DENND2B: variants seen among roughly 807,000 people sequenced by gnomAD.
DENND2B encodes DENN domain containing 2B, also known as DENN domain-containing protein 2B.
DENND2B carries 32 observed loss-of-function variants against 116.0 expected under a neutral mutation model. That is an observed-to-expected ratio of 0.28 (90% CI 0.21 to 0.37). The LOEUF (loss-of-function observed/expected upper bound fraction) is 0.37, where lower values mean the gene tolerates loss of function less well. Among genes scored for constraint, DENND2B ranks in the 10% least tolerant of loss-of-function variants. The pLI is 1.00. For synonymous variants in DENND2B, 588 were observed against 583.9 expected (o/e 1.01, Z -0.10); for missense variants, 1,276 against 1,477.7 (o/e 0.86, Z 2.24).
chr11:8,865,971 T>C (rs747894657), intron 2 of DENND2B, among the ~76,000 whole-genome samples: 14 of 151,974 alleles, frequency 9.2e-5, no homozygotes, highest in Admixed American at 5.2e-4. Flanking sequence ...TTTTTTTCTT[T>C]TATTTTGAGA....
At chr11:8,848,459 A>G (rs1368149101) in intron 3 of DENND2B, among the ~76,000 whole-genome samples, 4 of 152,228 alleles carry the variant, frequency 2.6e-5, no homozygotes, top group Admixed American at 2.6e-4. Flanking sequence ...ACGTGCCACC[A>G]TGCCCAGCAT....
chr11:8,742,900 A>C (rs2133997424), intron 2 of DENND2B, among the ~76,000 whole-genome samples: 1 of 152,220 alleles, frequency 6.6e-6, no homozygotes, highest in Admixed American at 6.5e-5. Context: ...CCCTGTCTCT[A>C]CTAAAAATAC....
At chr11:8,757,993 C>T (rs575962342) in intron 1 of DENND2B, among the ~76,000 whole-genome samples, 1 of 152,330 alleles carries the variant, frequency 6.6e-6, no homozygotes, top group Non-Finnish European at 1.5e-5. Context: ...AATGTAGACC[C>T]AGCTCTGTCT....
intron 1 of DENND2B, among the ~76,000 whole-genome samples, chr11:8,778,141 G>C (rs1352588975): frequency 1.3e-5 from 2 of 152,206 alleles, no homozygotes; most frequent in Non-Finnish European, 2.9e-5. Flanking sequence ...GTCAAGCCTT[G>C]AAAGGGCAGA....
Position 8,702,846 on chromosome 11 carries a change from C to T in DENND2B, c.2572-126G>A. The T allele has an allele frequency of 8.3e-7, 1 of 1,207,794 alleles. No homozygotes were observed. The highest frequency in any genetic ancestry group is 1.4e-5 in the South Asian group (1 of 68,974). 74.8% of individuals were successfully genotyped at this position (1,207,794 alleles called of 1,614,324 possible). ...CTCTTTTCCAGGTCTCTCGTCTACC[C>T]TGCTATGCAGTAAACCCCTCTTCTC... On this transcript the variant is annotated intron_variant, in intron 13 of 19. Transcript: ENST00000313726. The surrounding 1 kb of genome is among the most constrained non-coding windows in gnomAD (Gnocchi z 4.6).
intron 14 of DENND2B, among the ~76,000 whole-genome samples, chr11:8,701,884 C>T (rs12290299): frequency 2.0e-5 from 3 of 152,024 alleles, no homozygotes; most frequent in African/African-American, 7.3e-5. Context: ...AGACCTGTGA[C>T]CCATCCAGCT....
intron 1 of DENND2B, among the ~76,000 whole-genome samples, chr11:8,768,169 G>T (rs2056224120): frequency 6.6e-6 from 1 of 151,994 alleles, no homozygotes; most frequent in South Asian, 2.1e-4. Flanking sequence ...CCTCAACCCA[G>T]CAATAAAATC....
intron 1 of DENND2B, among the ~76,000 whole-genome samples, chr11:8,782,572 C>T (rs986860120): frequency 6.6e-6 from 1 of 152,028 alleles, no homozygotes; most frequent in Admixed American, 6.6e-5. Context: ...TTCACTTTTC[C>T]ATATACTTTT....
At chr11:8,849,437 G>A (rs2062926408) in intron 3 of DENND2B, among the ~76,000 whole-genome samples, 1 of 128,160 alleles carries the variant, frequency 7.8e-6, no homozygotes, top group South Asian at 2.6e-4. Flanking sequence ...AGGTTGCCAT[G>A]AGCCGAGATC....
At chr11:8,744,047 C>A (rs1171187871) in intron 2 of DENND2B, among the ~76,000 whole-genome samples, 4 of 151,980 alleles carry the variant, frequency 2.6e-5, no homozygotes, top group Admixed American at 1.3e-4. Context: ...CTGCACCTGG[C>A]CAAGGGGCTT....
intron 2 of DENND2B, among the ~76,000 whole-genome samples, chr11:8,859,160 T>TTGA (rs1189561529): frequency 1.3e-5 from 2 of 152,208 alleles, no homozygotes; most frequent in Non-Finnish European, 2.9e-5. Flanking sequence ...AATTTAGAGC[T>TTGA]TGATGATGTA....
chr11:8,747,620 A>C (rs189603897), intron 2 of DENND2B, among the ~76,000 whole-genome samples: 4 of 152,200 alleles, frequency 2.6e-5, no homozygotes, highest in Admixed American at 1.3e-4. Context: ...GGATGCAGCC[A>C]TATCTTGTGA....
At chr11:8,710,438 T>C (rs897676413) in intron 11 of DENND2B, among the ~76,000 whole-genome samples, 2 of 151,988 alleles carry the variant, frequency 1.3e-5, no homozygotes, top group African/African-American at 2.4e-5. Context: ...GTGAGGAAGG[T>C]TGTCCCTCAC....
rs765800181 is a variant in DENND2B, at chr11:8,712,623, A to G, written c.2100T>C (p.Phe700=). The G allele has an allele frequency of 2.5e-6, 4 of 1,568,882 alleles. No homozygotes were observed. Among genetic ancestry groups the G allele is most frequent in the Non-Finnish European group, 3.5e-6 (4 of 1,156,444 alleles). ...EWQERELFEY[F]VVVSLKKKPS... is the part of the protein sequence containing the mutation. Reference sequence around the variant, plus strand: ...GCTTCTTCTTGAGGGACACCACCACAAAGTACTCAAAAAGCTCCCGCTCCT... The same window carrying G: ...GCTTCTTCTTGAGGGACACCACCACGAAGTACTCAAAAAGCTCCCGCTCCT... Residue 700 remains phenylalanine, a synonymous_variant, in exon 9 of 20, where the codon TTT becomes TTC. Coordinates refer to ENST00000313726, the MANE Select transcript of DENND2B (RefSeq NM_213618.2). This position sits in a 1 kb window ranked among gnomAD's most constrained non-coding sequence, Gnocchi z 4.4.
chr11:8,718,253 T>C, intron 4 of DENND2B: 7 of 1,105,132 alleles, frequency 6.3e-6, no homozygotes, highest in South Asian at 1.3e-5. Context: ...CTCCCTTCCC[T>C]CTGCTGCAAA....
intron 1 of DENND2B, among the ~76,000 whole-genome samples, chr11:8,894,185 T>G (rs370836467): frequency 6.6e-5 from 10 of 152,010 alleles, no homozygotes; most frequent in East Asian, 3.8e-4. Context: ...TGGGAAAACT[T>G]GCTAGCCATA....
At chr11:8,718,666 G>A in intron 4 of DENND2B, 1 of 1,249,862 alleles carries the variant, frequency 8.0e-7, no homozygotes, top group Admixed American at 3.8e-5. Context: ...AGGCTTGGAA[G>A]GAGTCTGGGC....
rs753808638 is a variant in DENND2B, at chr11:8,702,732, C to G, written c.2572-12G>C. On this transcript the variant is annotated splice_polypyrimidine_tract_variant and intron_variant, in intron 13 of 19. Coordinates refer to ENST00000313726, the MANE Select transcript of DENND2B (RefSeq NM_213618.2). The surrounding 1 kb of genome is among the most constrained non-coding windows in gnomAD (Gnocchi z 4.6). The stretch of plus-strand genomic sequence containing the variant: ...CGCAGCTCTAACACCTGCAGGAGAG[C>G]GATGGGAAAGTGGGCCGGGGCCAGC... 1.2e-6 allele frequency: 2 copies of G among 1,610,446 alleles called. No homozygotes were observed. The highest frequency in any genetic ancestry group is 2.2e-5 in the South Asian group (2 of 91,040).
chr11:8,830,149 C>T (rs2062146674), intron 4 of DENND2B, among the ~76,000 whole-genome samples: 1 of 152,182 alleles, frequency 6.6e-6, no homozygotes, highest in African/African-American at 2.4e-5. Context: ...CCACAAAACT[C>T]CACCTTCACT....
Sources: allele counts gnomAD v4.1 joint callset (sites outside exome capture counted in the v4.1 genomes callset), GRCh38; gene constraint gnomAD v4.1.1; non-coding constraint Gnocchi (gnomAD v3.1); transcripts MANE v1.5; gene names NCBI Gene and HGNC (gene_info 2026-07-23, HGNC 2026-07-21).